Variants in SNX27 observed in about 807,000 individuals in gnomAD.
The protein encoded by SNX27 is sorting nexin-27.
A neutral mutation model predicts 71.6 loss-of-function variants in SNX27; 22 were observed. That is an observed-to-expected ratio of 0.31 (90% CI 0.22 to 0.44). The LOEUF (loss-of-function observed/expected upper bound fraction) is 0.44, where lower values mean the gene tolerates loss of function less well. Among genes scored for constraint, SNX27 ranks in the 20% least tolerant of loss-of-function variants. The pLI, the probability that SNX27 is intolerant of heterozygous loss-of-function variation, is 1.00. For synonymous variants in SNX27, 269 were observed against 277.2 expected (o/e 0.97, Z 0.29); for missense variants, 531 against 698.6 (o/e 0.76, Z 2.70).
intron 11 of SNX27, 136 bp downstream of exon 11, chr1:151,693,619 CAT>C (rs777663801): frequency 6.2e-7 from 1 of 1,613,896 alleles, no homozygotes; most frequent in South Asian, 1.1e-5. Context: ...CTGATTATCT[CAT>C]GTGAGCCAGG....
At chr1:151,654,087 T>C (rs1669564959) in intron 2 of SNX27, among the ~76,000 whole-genome samples, 2 of 152,194 alleles carry the variant, frequency 1.3e-5, no homozygotes, top group Non-Finnish European at 2.9e-5. Flanking sequence ...CGTCTTGGAC[T>C]CCCAAAGTGC....
intron 1 of SNX27, among the ~76,000 whole-genome samples, chr1:151,634,632 C>T (rs532161380): frequency 1.3e-5 from 2 of 152,066 alleles, no homozygotes; most frequent in Non-Finnish European, 2.9e-5. Flanking sequence ...AAAATTATCG[C>T]GTGTGTCTTT....
intron 2 of SNX27, among the ~76,000 whole-genome samples, chr1:151,649,544 C>T (rs1193443934): frequency 2.0e-5 from 3 of 152,212 alleles, no homozygotes; most frequent in Non-Finnish European, 4.4e-5. Context: ...GGTCATACCA[C>T]TCCACTCCAA....
chr1:151,674,695 T>TC (rs1670595159), intron 7 of SNX27, among the ~76,000 whole-genome samples: 1 of 151,514 alleles, frequency 6.6e-6, no homozygotes. Flanking sequence ...ATTGTTTCTT[T>TC]TTTTTTTTTT....
chr1:151,630,762 G>A (rs1558039775), intron 1 of SNX27, among the ~76,000 whole-genome samples: 2 of 152,198 alleles, frequency 1.3e-5, no homozygotes, highest in Admixed American at 6.5e-5. Flanking sequence ...GGCCGGGCAC[G>A]GTGGCTCACG....
intron 7 of SNX27, chr1:151,679,221 G>GA (rs1406533795): frequency 6.6e-6 from 1 of 152,004 alleles, no homozygotes; most frequent in African/African-American, 2.4e-5. Flanking sequence ...ATTGATAAGA[G>GA]AAAAAAGCTG....
chr1:151,621,255 G>A (rs1440056977), intron 1 of SNX27, among the ~76,000 whole-genome samples: 1 of 152,178 alleles, frequency 6.6e-6, no homozygotes, highest in East Asian at 1.9e-4. Flanking sequence ...GGTAGTATGT[G>A]TGTAGTCTCT....
intron 7 of SNX27, among the ~76,000 whole-genome samples, chr1:151,674,253 C>G (rs544637051): frequency 6.6e-6 from 1 of 152,216 alleles, no homozygotes; most frequent in Non-Finnish European, 1.5e-5. Flanking sequence ...TGCAAATACT[C>G]TCTTGTAATC....
intron 1 of SNX27, among the ~76,000 whole-genome samples, chr1:151,635,370 T>C (rs537392671): frequency 2.6e-5 from 4 of 152,220 alleles, no homozygotes; most frequent in Non-Finnish European, 5.9e-5. Context: ...AACAGCACAA[T>C]TGGTATTCAA....
At chr1:151,631,530 A>G (rs1386939505) in intron 1 of SNX27, among the ~76,000 whole-genome samples, 5 of 152,208 alleles carry the variant, frequency 3.3e-5, no homozygotes, top group Admixed American at 2.6e-4. Flanking sequence ...CCATGTTTGC[A>G]TATAGTTTTC....
At chr1:151,615,859 G>GT (rs751823326) in intron 1 of SNX27, 256 of 976,082 alleles carry the variant, frequency 2.6e-4, no homozygotes, top group Non-Finnish European at 2.9e-4. Flanking sequence ...TTGGACACAA[G>GT]TAAGAGCTTC....
In SNX27 at chr1:151,689,737, C is replaced by T. The variant is rs150810841; in HGVS notation, c.1240-2698C>T. ...GTCCTGGAGCAGAATTGCTGCTTAT[C>T]GAGCATGTAAAGTTTCTGATGACTA... On this transcript the variant is annotated intron_variant, in intron 8 of 11. Coordinates refer to ENST00000458013, the MANE Select transcript of SNX27 (RefSeq NM_001330723.2). Among the ~76,000 whole-genome samples the T allele has an allele frequency of 9.2e-5, 14 of 152,278 alleles. No individual in the cohort carries two copies. In the East Asian group the frequency reaches 2.7e-3, roughly 29 times the overall value.
At position 151,664,949 on chromosome 1, in the gene SNX27, A is replaced by C. The variant is rs573759494; in HGVS notation, c.907-984A>C. 9.8e-4 allele frequency among the ~76,000 whole-genome samples: 150 copies of C among 152,324 alleles called. 2 individuals are homozygous for C. In the Middle Eastern group the frequency reaches 0.01, roughly 10 times the overall value. On this transcript the variant is annotated intron_variant, in intron 5 of 11. Transcript: ENST00000458013. ...AAGCATTTTAATTTCTATCCAGTGC[A>C]ATATACAATGGTAATTTAGAATGCT...
intron 7 of SNX27, among the ~76,000 whole-genome samples, chr1:151,682,169 C>G (rs1374929120): frequency 6.6e-6 from 1 of 152,204 alleles, no homozygotes; most frequent in East Asian, 1.9e-4. Context: ...TCACATATAC[C>G]TAAAAGAATG....
chr1:151,642,246 G>A (rs999411885), intron 2 of SNX27, among the ~76,000 whole-genome samples: 4 of 151,742 alleles, frequency 2.6e-5, no homozygotes, highest in African/African-American at 9.7e-5. Context: ...AATTAGCCGG[G>A]CGTGGTGGCA....
At chr1:151,621,067 G>C (rs915351136) in intron 1 of SNX27, among the ~76,000 whole-genome samples, 1 of 152,160 alleles carries the variant, frequency 6.6e-6, no homozygotes, top group African/African-American at 2.4e-5. Flanking sequence ...AGACGGGGGG[G>C]AAACTTAATG....
At position 151,648,684 on chromosome 1, in the gene SNX27, G is replaced by A. The variant is rs540525337; in HGVS notation, c.544-9551G>A. Among the ~76,000 whole-genome samples, 8 of 152,326 alleles carry A rather than the reference G, an allele frequency of 5.3e-5. No individual in the cohort carries two copies. The East Asian group carries it at 1.5e-3, about 29-fold the overall frequency. Reference sequence around the variant, plus strand: ...TCTGCCCACCTTGGCCTCCCAAAGTGCTGGGATTACAGGCGTGAGCCACCA... The same window carrying A: ...TCTGCCCACCTTGGCCTCCCAAAGTACTGGGATTACAGGCGTGAGCCACCA... On this transcript the variant is annotated intron_variant, in intron 2 of 11. Transcript: ENST00000458013.
intron 8 of SNX27, among the ~76,000 whole-genome samples, chr1:151,690,514 G>A (rs1401273165): frequency 6.6e-6 from 1 of 152,066 alleles, no homozygotes; most frequent in Non-Finnish European, 1.5e-5. Context: ...AGGCTGGAGT[G>A]CAGTGGTTCC....
intron 1 of SNX27, among the ~76,000 whole-genome samples, chr1:151,623,687 A>G (rs1667781447): frequency 1.3e-5 from 2 of 152,290 alleles, no homozygotes; most frequent in South Asian, 4.1e-4. Flanking sequence ...AGTATGAGCC[A>G]CTGCGCCTGA....
Sources: gnomAD v4.1 joint callset for allele counts (sites outside exome capture counted in the v4.1 genomes callset) on GRCh38, gnomAD v4.1.1 for gene constraint, MANE v1.5 for transcripts, NCBI Gene and HGNC (gene_info 2026-07-23, HGNC 2026-07-21) for gene names.